MESP1: variants seen among roughly 807,000 people sequenced by gnomAD.
MESP1 encodes the protein mesoderm posterior bHLH transcription factor 1, also known as mesoderm posterior protein 1.
A neutral mutation model predicts 15.2 loss-of-function variants in MESP1; 22 were observed. The ratio of observed to expected loss-of-function variants is 1.45; its 90% CI spans 1.04 to 2.07. The LOEUF is 2.07. Ranked by LOEUF, MESP1 falls within the 30% of genes most tolerant of loss-of-function variation. The probability of loss-of-function intolerance (pLI) is 0.00; values close to 1 mark genes in which losing one functional copy is unlikely to be tolerated. For synonymous variants in MESP1, 216 were observed against 192.6 expected (o/e 1.12, Z -1.01); for missense variants, 484 against 411.9 (o/e 1.17, Z -1.51).
downstream of MESP1, among the ~76,000 whole-genome samples, chr15:89,746,142 C>T (rs531841746): frequency 1.3e-5 from 2 of 149,474 alleles, no homozygotes; most frequent in Admixed American, 6.6e-5. Context: ...AGCATCCACA[C>T]AGCATCCACA....
the MESP1 span, chr15:89,738,353 G>T: frequency 7.8e-7 from 1 of 1,286,212 alleles, no homozygotes; most frequent in Non-Finnish European, 1.1e-6. Flanking sequence ...CTGGCTGGGC[G>T]TGGTGGCTCA....
At chr15:89,740,366 G>A in the MESP1 span, among the ~76,000 whole-genome samples, 2 of 152,294 alleles carry the variant, frequency 1.3e-5, no homozygotes, top group East Asian at 1.9e-4. Flanking sequence ...GTGCCTATTC[G>A]TCAGGAGACG....
the MESP1 span, among the ~76,000 whole-genome samples, chr15:89,741,139 C>CA: frequency 0.22 from 32,563 of 150,924 alleles, 3,763 homozygotes; most frequent in Middle Eastern, 0.3. Flanking sequence ...GAATCTGTCT[C>CA]AAAAAAAATA....
rs1968071908 is a variant in MESP1, at chr15:89,750,673, G to A, written c.559C>T (p.Arg187Cys). 4 of 1,351,682 alleles carry A rather than the reference G, an allele frequency of 3.0e-6. No individual in the cohort carries two copies. The highest frequency in any genetic ancestry group is 3.8e-6 in the Non-Finnish European group (4 of 1,057,716). The allele number at this position is 1,351,682 out of a possible 1,614,324, so 83.7% of individuals were successfully genotyped here. A position where few individuals can be genotyped will look rare whatever the true frequency, so the allele number is the denominator to read the frequency against. ...ACGGCGGATACCAGGCCCAGCCCGCGCCCCTGCCCCTGCCCCTCAGCCTGC... is the reference window on the plus strand; with the variant it reads ...ACGGCGGATACCAGGCCCAGCCCGCACCCCTGCCCCTGCCCCTCAGCCTGC... ...RTQAEGQGQG[R>C]GLGLVSAVRA... The change falls in exon 1 of 2, where the codon CGC (arginine) becomes TGC (cysteine). Residue 187 changes from arginine to cysteine, a missense_variant. Transcript: ENST00000300057.
chr15:89,745,783 T>A (rs919084083), downstream of MESP1, among the ~76,000 whole-genome samples: 1 of 151,574 alleles, frequency 6.6e-6, no homozygotes, highest in East Asian at 1.9e-4. This position sits in a 1 kb window ranked among gnomAD's most constrained non-coding sequence, Gnocchi z 4.8. Flanking sequence ...AAGAACCTTA[T>A]GTCTTCTCAG....
chr15:89,733,987 T>G, the MESP1 span, among the ~76,000 whole-genome samples: 2 of 151,160 alleles, frequency 1.3e-5, no homozygotes, highest in Non-Finnish European at 2.9e-5. Context: ...CAAATGAACC[T>G]GTATAATGTG....
downstream of MESP1, among the ~76,000 whole-genome samples, chr15:89,747,111 C>T (rs1338792202): frequency 1.8e-4 from 6 of 32,568 alleles, no homozygotes; most frequent in African/African-American, 7.7e-4. Flanking sequence ...TACACACACA[C>T]ACACACACAC....
the MESP1 span, among the ~76,000 whole-genome samples, chr15:89,742,121 C>T: frequency 6.6e-6 from 1 of 152,144 alleles, no homozygotes; most frequent in Non-Finnish European, 1.5e-5. Context: ...GGTGCTGTGG[C>T]TCACGCCTGT....
the MESP1 span, chr15:89,737,596 C>T: frequency 6.2e-7 from 1 of 1,614,220 alleles, no homozygotes; most frequent in Non-Finnish European, 8.5e-7. Context: ...CCAAGAATGG[C>T]TCTGTGTGCC....
chr15:89,744,877 G>C (rs1190975894), downstream of MESP1, among the ~76,000 whole-genome samples: 1 of 152,150 alleles, frequency 6.6e-6, no homozygotes, highest in Non-Finnish European at 1.5e-5. Flanking sequence ...GCACCCGGTG[G>C]ACCACCCCTT....
chr15:89,738,072 C>G, the MESP1 span: 8 of 1,613,144 alleles, frequency 5.0e-6, no homozygotes, highest in African/African-American at 1.1e-4. Flanking sequence ...CGTCCACCGA[C>G]GATGCTGGAA....
At chr15:89,737,727 G>A in the MESP1 span, 33 of 1,613,974 alleles carry the variant, frequency 2.0e-5, no homozygotes, top group East Asian at 3.1e-4. Context: ...TTCCTGCTCC[G>A]AGGTACAGAA....
the MESP1 span, chr15:89,738,096 T>C: frequency 1.2e-6 from 2 of 1,614,036 alleles, no homozygotes; most frequent in African/African-American, 1.3e-5. Context: ...AATATTCTGT[T>C]TTCTATTTTA....
In MESP1 at chr15:89,750,729, T is replaced by C. The variant is rs200810210; in HGVS notation, c.503A>G (p.Asp168Gly). ...TGTCTGCATCTGCGCGGGGCAGTCG[T>C]CGGGGCACAGCGGGCAGCCCCGAGG... ...GSPRGCPLCPDDCPAQMQTRT... is the reference protein window; with the variant it reads ...GSPRGCPLCPGDCPAQMQTRT... The change falls in exon 1 of 2, where the codon GAC (aspartate) becomes GGC (glycine). Residue 168 changes from aspartate (D) to glycine (G), a missense_variant. Coordinates refer to ENST00000300057, the MANE Select transcript of MESP1 (RefSeq NM_018670.4). 2,119 of 1,413,792 alleles carry C rather than the reference T, an allele frequency of 1.5e-3. 34 individuals are homozygous for C. The African/African-American group carries it at 0.029, about 19-fold the overall frequency. The allele number at this position is 1,413,792 out of a possible 1,614,324, so 87.6% of individuals were successfully genotyped here.
chr15:89,737,850 G>T, the MESP1 span: 1 of 1,434,174 alleles, frequency 7.0e-7, no homozygotes, highest in Non-Finnish European at 9.5e-7. Flanking sequence ...ATAGGCCAAA[G>T]GGTACCGCAG....
At chr15:89,738,300 G>A in the MESP1 span, 1 of 1,488,592 alleles carries the variant, frequency 6.7e-7, no homozygotes, top group Non-Finnish European at 9.0e-7. Context: ...GAGGGATAGT[G>A]GAGTTTCTTT....
the MESP1 span, among the ~76,000 whole-genome samples, chr15:89,734,988 C>T: frequency 6.6e-6 from 1 of 150,952 alleles, no homozygotes; most frequent in South Asian, 2.1e-4. Context: ...CTCCGTCCCT[C>T]CTTCCTTCCT....
the MESP1 span, chr15:89,738,217 G>A: frequency 6.2e-7 from 1 of 1,611,228 alleles, no homozygotes; most frequent in Non-Finnish European, 8.5e-7. Flanking sequence ...GAAGAGATGT[G>A]AGCGTTTCCT....
Position 89,750,860 on chromosome 15 carries a change from C to T in MESP1, c.372G>A (p.Glu124=). 1.3e-6 allele frequency: 2 copies of T among 1,531,130 alleles called. No individual in the cohort carries two copies. The highest frequency in any genetic ancestry group is 1.7e-6 in the Non-Finnish European group (2 of 1,144,226). 94.8% of individuals were successfully genotyped at this position (1,531,130 alleles called of 1,614,324 possible). A position where few individuals can be genotyped will look rare whatever the true frequency, so the allele number is the denominator to read the frequency against. The part of the protein sequence containing the change: ...APAGQSLTKI[E]TLRLAIRYIG... ...TATAGCGGATAGCCAGGCGCAGCGT[C>T]TCGATCTTGGTCAGGCTCTGGCCCG... Residue 124 remains glutamate, a synonymous_variant, in exon 1 of 2, where the codon GAG becomes GAA. Coordinates refer to ENST00000300057, the MANE Select transcript of MESP1 (RefSeq NM_018670.4).
Sources: allele counts gnomAD v4.1 joint callset (sites outside exome capture counted in the v4.1 genomes callset), GRCh38; gene constraint gnomAD v4.1.1; non-coding constraint Gnocchi (gnomAD v3.1); transcripts MANE v1.5; gene names NCBI Gene and HGNC (gene_info 2026-07-23, HGNC 2026-07-21).